TDRD3: variants seen among roughly 807,000 people sequenced by gnomAD.
The protein encoded by TDRD3 is tudor domain containing 3.
TDRD3 carries 45 observed loss-of-function variants against 86.7 expected under a neutral mutation model. The ratio of observed to expected loss-of-function variants is 0.52; its 90% CI spans 0.41 to 0.67. TDRD3 has a LOEUF of 0.67. Among genes scored for constraint, TDRD3 ranks in the 30% least tolerant of loss-of-function variants. The pLI, the probability that TDRD3 is intolerant of heterozygous loss-of-function variation, is 0.00. For missense variants in TDRD3, 814 were observed against 889.0 expected (o/e 0.92, Z 1.07); for synonymous variants, 298 against 301.7 (o/e 0.99, Z 0.13).
At chr13:60,467,110 C>G in intron 4 of TDRD3, 128 bp from the exon 5 acceptor site, 1 of 1,021,226 alleles carries the variant, frequency 9.8e-7, no homozygotes, top group Non-Finnish European at 1.4e-6. Flanking sequence ...CATGCATTAG[C>G]TGTTTTTCCT....
At chr13:60,405,449 A>T (rs565635404) in intron 1 of TDRD3, among the ~76,000 whole-genome samples, 1 of 152,324 alleles carries the variant, frequency 6.6e-6, no homozygotes, top group African/African-American at 2.4e-5. Flanking sequence ...TAGCCTTTTC[A>T]TGGTGGTCAG....
Position 60,494,429 on chromosome 13 carries a change from G to A in TDRD3, c.718-6G>A, listed in dbSNP as rs1956668421. On this transcript the variant is annotated splice_region_variant and splice_polypyrimidine_tract_variant and intron_variant, in intron 7 of 13. Coordinates refer to ENST00000377881, the MANE Select transcript of TDRD3 (RefSeq NM_001146070.2). The stretch of plus-strand genomic sequence containing the variant: ...TACCTCTCTTTTATCTTTCTCTTAT[G>A]TAAAGACCAAGACATTTGGAGGAGG... 1.9e-6 allele frequency: 3 copies of A among 1,610,594 alleles called. No individual in the cohort carries two copies. The highest frequency in any genetic ancestry group is 1.3e-5 in the African/African-American group (1 of 74,902).
At chr13:60,440,858 C>G (rs944389043) in intron 2 of TDRD3, among the ~76,000 whole-genome samples, 7 of 151,978 alleles carry the variant, frequency 4.6e-5, no homozygotes, top group Admixed American at 4.6e-4. Flanking sequence ...ACTGCAAAAT[C>G]AATGTAAAGC....
intron 12 of TDRD3, among the ~76,000 whole-genome samples, chr13:60,564,942 G>T (rs188178158): frequency 6.7e-6 from 1 of 148,438 alleles, no homozygotes; most frequent in African/African-American, 2.5e-5. Context: ...TGGGTAACCA[G>T]ATTTGCTCTC....
At position 60,427,825 on chromosome 13, in the gene TDRD3, T is replaced by A. The variant is rs1186430279; in HGVS notation, c.42-11863T>A. 2.0e-5 allele frequency among the ~76,000 whole-genome samples: 3 copies of A among 152,210 alleles called. No individual in the cohort carries two copies. In the East Asian group the frequency reaches 5.8e-4, roughly 29 times the overall value. On this transcript the variant is annotated intron_variant, in intron 1 of 13. Coordinates refer to ENST00000377881, the MANE Select transcript of TDRD3 (RefSeq NM_001146070.2). ...GGATGGATGGCCTTTCAAAATAATGTTTTTTATTTAATTAAATCAATACTT... is the reference window on the plus strand; with the variant it reads ...GGATGGATGGCCTTTCAAAATAATGATTTTTATTTAATTAAATCAATACTT...
chr13:60,407,431 T>A (rs1325188028), intron 1 of TDRD3, among the ~76,000 whole-genome samples: 7 of 152,310 alleles, frequency 4.6e-5, no homozygotes, highest in Admixed American at 2.6e-4. Flanking sequence ...GTTGTGAAAT[T>A]TAAACAAAAT....
intron 8 of TDRD3, among the ~76,000 whole-genome samples, chr13:60,501,197 T>C (rs1956823581): frequency 1.3e-5 from 2 of 152,084 alleles, no homozygotes; most frequent in South Asian, 4.1e-4. Flanking sequence ...CCCGCTGGAG[T>C]GGTAACTCTA....
chr13:60,510,874 A>G lies in TDRD3; in HGVS notation c.1141+119A>G, dbSNP rs943873612. ...TTTAGAATTGTAGTGTAAAACAACT[A>G]TAATATGAACGTATATCCTGAGTGT... On this transcript the variant is annotated intron_variant, in intron 10 of 13. Coordinates refer to ENST00000377881, the MANE Select transcript of TDRD3 (RefSeq NM_001146070.2). The G allele has an allele frequency of 6.0e-6, 6 of 1,006,926 alleles. No individual in the cohort carries two copies. The African/African-American group carries it at 8.4e-5, about 14-fold the overall frequency. 62.4% of individuals were successfully genotyped at this position (1,006,926 alleles called of 1,614,324 possible).
At chr13:60,480,712 G>A (rs906508566) in intron 5 of TDRD3, among the ~76,000 whole-genome samples, 1 of 152,098 alleles carries the variant, frequency 6.6e-6, no homozygotes, top group Non-Finnish European at 1.5e-5. Context: ...TCAGGTTGGG[G>A]GTGTTTTCAC....
chr13:60,397,272 C>CA lies in TDRD3; in HGVS notation c.-93_-92insA. The CA allele has an allele frequency of 2.2e-6, 1 of 461,982 alleles. No individual in the cohort carries two copies. Among genetic ancestry groups the CA allele is most frequent in the Non-Finnish European group, 3.4e-6 (1 of 296,806 alleles). 28.6% of individuals were successfully genotyped at this position (461,982 alleles called of 1,614,324 possible). On this transcript the variant is annotated 5_prime_UTR_variant, in exon 1 of 14. It introduces an in-frame stop codon into an upstream open reading frame of the 5' UTR. Transcript: ENST00000377881. ...CCAGAGGAGTTTTTTCTTTTCTTTT[C>CA]TTTTTTTTTTTTTAAGGGGGGGGGT...
chr13:60,521,472 A>C (rs1957283113), intron 10 of TDRD3, among the ~76,000 whole-genome samples: 1 of 152,208 alleles, frequency 6.6e-6, no homozygotes, highest in East Asian at 1.9e-4. Context: ...CTTAAAAAAA[A>C]AAAATGTAAT....
In TDRD3 at chr13:60,437,724, A is replaced by T. The variant is rs115885093; in HGVS notation, c.42-1964A>T. ...TAGAAAACAAAATATTCTATTAGTC[A>T]TTACATACTATTTCCCTCTTGTGTA... On this transcript the variant is annotated intron_variant, in intron 1 of 13. Coordinates refer to ENST00000377881, the MANE Select transcript of TDRD3 (RefSeq NM_001146070.2). Among the ~76,000 whole-genome samples the T allele has an allele frequency of 7.4e-3, 1,119 of 152,072 alleles. 17 individuals carry two copies. The highest frequency in any genetic ancestry group is 0.026 in the African/African-American group (1,058 of 41,486).
intron 3 of TDRD3, among the ~76,000 whole-genome samples, chr13:60,456,069 C>CAAAAAAA (rs35117003): frequency 1.5e-4 from 14 of 95,526 alleles, no homozygotes; most frequent in Middle Eastern, 6.0e-3. Flanking sequence ...GACTATGTCT[C>CAAAAAAA]AAAAAAAAAA....
At chr13:60,494,406 C>T (rs1395056603) in intron 7 of TDRD3, 29 bp from the exon 8 acceptor site, 1 of 1,590,272 alleles carries the variant, frequency 6.3e-7, no homozygotes, top group Non-Finnish European at 8.6e-7. Flanking sequence ...TGTCTACATA[C>T]CTCTCTTTTA....
chr13:60,395,565 G>C (rs1173167761), upstream of TDRD3, among the ~76,000 whole-genome samples: 2 of 152,038 alleles, frequency 1.3e-5, no homozygotes, highest in African/African-American at 2.4e-5. Context: ...ACCATGCAGT[G>C]GTAAATCCTT....
intron 8 of TDRD3, among the ~76,000 whole-genome samples, chr13:60,498,415 G>A (rs1417179676): frequency 6.6e-6 from 1 of 152,162 alleles, no homozygotes; most frequent in East Asian, 1.9e-4. Context: ...TACTGTAATG[G>A]ACGGTAGAAG....
intron 5 of TDRD3, among the ~76,000 whole-genome samples, chr13:60,474,926 G>T (rs1956153471): frequency 6.6e-6 from 1 of 151,456 alleles, no homozygotes. Flanking sequence ...TTCTCTGAAT[G>T]TATGTTTCTA....
intron 2 of TDRD3, among the ~76,000 whole-genome samples, chr13:60,441,100 A>G (rs1179129063): frequency 6.6e-6 from 1 of 152,162 alleles, no homozygotes; most frequent in East Asian, 1.9e-4. Context: ...AATAAATAAA[A>G]GACTAATTTT....
chr13:60,428,798 A>C (rs1954878207), intron 1 of TDRD3, among the ~76,000 whole-genome samples: 1 of 152,178 alleles, frequency 6.6e-6, no homozygotes. Context: ...TGAGTTAATG[A>C]AAACTCAAGG....
Sources: gnomAD v4.1 joint callset for allele counts (sites outside exome capture counted in the v4.1 genomes callset) on GRCh38, gnomAD v4.1.1 for gene constraint, MANE v1.5 for transcripts, NCBI Gene and HGNC (gene_info 2026-07-23, HGNC 2026-07-21) for gene names.